SLC9C2: variants seen among roughly 807,000 people sequenced by gnomAD.
The protein encoded by SLC9C2 is sodium/hydrogen exchanger 11.
A neutral mutation model predicts 140.2 loss-of-function variants in SLC9C2; 75 were observed. The observed-to-expected ratio is 0.53, with a 90% confidence interval of 0.44 to 0.65. SLC9C2 has a LOEUF of 0.65. Among genes scored for constraint, SLC9C2 ranks in the 30% least tolerant of loss-of-function variants. The probability of loss-of-function intolerance (pLI) is 0.00; values close to 1 mark genes in which losing one functional copy is unlikely to be tolerated. For synonymous variants in SLC9C2, 375 were observed against 420.9 expected (o/e 0.89, Z 1.34); for missense variants, 1,074 against 1,331.8 (o/e 0.81, Z 3.01).
At chr1:173,518,036 G>A (rs559384026) in intron 22 of SLC9C2, among the ~76,000 whole-genome samples, 4 of 152,114 alleles carry the variant, frequency 2.6e-5, no homozygotes, top group Admixed American at 6.5e-5. Flanking sequence ...CAAGGCGGGC[G>A]GATCACAAGA....
chr1:173,543,336 T>C (rs916521806), intron 13 of SLC9C2, among the ~76,000 whole-genome samples: 2 of 152,180 alleles, frequency 1.3e-5, no homozygotes, highest in African/African-American at 4.8e-5. Context: ...TACAAACCAC[T>C]GCTCAATGAA....
At chr1:173,534,775 T>C (rs1404036570) in intron 15 of SLC9C2, 93 bp from the exon 16 acceptor site, 1 of 1,041,960 alleles carries the variant, frequency 9.6e-7, no homozygotes, top group Non-Finnish European at 1.3e-6. Context: ...TAAAATTAAT[T>C]TGAAGACTAT....
chr1:173,528,480 A>G (rs1661361755), intron 18 of SLC9C2, among the ~76,000 whole-genome samples: 1 of 152,198 alleles, frequency 6.6e-6, no homozygotes, highest in Admixed American at 6.5e-5. Flanking sequence ...ATGCAGATCA[A>G]TCCAGCCTTT....
intron 4 of SLC9C2, among the ~76,000 whole-genome samples, chr1:173,588,350 C>A (rs914716324): frequency 6.6e-6 from 1 of 152,186 alleles, no homozygotes; most frequent in Non-Finnish European, 1.5e-5. Flanking sequence ...TCTATGCACA[C>A]ATTGTTTATG....
chr1:173,567,975 CCTG>C (rs1664591638), intron 9 of SLC9C2, among the ~76,000 whole-genome samples: 1 of 152,026 alleles, frequency 6.6e-6, no homozygotes, highest in African/African-American at 2.4e-5. Flanking sequence ...ACTTTACCCC[CCTG>C]CTATTTAACT....
At chr1:173,585,185 T>C (rs1665775752) in intron 5 of SLC9C2, among the ~76,000 whole-genome samples, 1 of 152,110 alleles carries the variant, frequency 6.6e-6, no homozygotes, top group Non-Finnish European at 1.5e-5. Flanking sequence ...TTAAAACAGG[T>C]AATGGATAGA....
At position 173,553,275 on chromosome 1, in the gene SLC9C2, T is replaced by C. The variant is rs545311807; in HGVS notation, c.1297+1458A>G. On this transcript the variant is annotated intron_variant, in intron 11 of 27. Transcript: ENST00000367714. ...CCTGGTGAAGATGCTGTGAACATTG[T>C]TGAAAGGACAGCAAAGGATTTAGAA... 3.3e-5 allele frequency among the ~76,000 whole-genome samples: 5 copies of C among 152,342 alleles called. No individual in the cohort carries two copies. In the East Asian group the frequency reaches 7.7e-4, roughly 24 times the overall value.
intron 26 of SLC9C2, among the ~76,000 whole-genome samples, chr1:173,504,325 C>T (rs1422360728): frequency 1.3e-5 from 2 of 152,166 alleles, no homozygotes; most frequent in African/African-American, 4.8e-5. Flanking sequence ...AAGGCAAACA[C>T]CTTATCTGGC....
intron 13 of SLC9C2, among the ~76,000 whole-genome samples, chr1:173,544,606 C>A (rs1265700005): frequency 5.3e-5 from 8 of 152,116 alleles, no homozygotes; most frequent in Non-Finnish European, 7.4e-5. Flanking sequence ...TGGAACCAAC[C>A]CATATGTCCA....
intron 1 of SLC9C2, among the ~76,000 whole-genome samples, chr1:173,602,523 A>T (rs1666850124): frequency 6.6e-6 from 1 of 152,190 alleles, no homozygotes; most frequent in African/African-American, 2.4e-5. Context: ...CCCCTTCCTC[A>T]GAGCAATGAA....
At chr1:173,581,459 G>C (rs1284541865) in intron 7 of SLC9C2, among the ~76,000 whole-genome samples, 27 of 152,132 alleles carry the variant, frequency 1.8e-4, no homozygotes, top group Admixed American at 1.8e-3. Context: ...TGAATTAAAG[G>C]CTGTTGATCT....
intron 18 of SLC9C2, among the ~76,000 whole-genome samples, chr1:173,529,363 G>A (rs1233008942): frequency 6.6e-6 from 1 of 152,050 alleles, no homozygotes; most frequent in East Asian, 1.9e-4. Flanking sequence ...GAGGGAGCCT[G>A]GTTAGGAGAG....
intron 17 of SLC9C2, among the ~76,000 whole-genome samples, chr1:173,530,498 G>T (rs1318949063): frequency 6.6e-6 from 1 of 152,068 alleles, no homozygotes; most frequent in African/African-American, 2.4e-5. Context: ...AAAGAACTTA[G>T]GGTATCTAAG....
At position 173,601,841 on chromosome 1, in the gene SLC9C2, C is replaced by T; in HGVS notation, c.-65G>A. On this transcript the variant is annotated 5_prime_UTR_variant, in exon 2 of 28. The change creates a new upstream start codon in the 5' untranslated region. Transcript: ENST00000367714. ...GGTTTGGTTATTATTGACACTTTCA[C>T]TTCTGCATGCTAACCTGTATAGCAT... 6.3e-7 allele frequency: 1 copy of T among 1,590,820 alleles called. No individual in the cohort carries two copies.
At chr1:173,540,921 T>A (rs995851830) in intron 13 of SLC9C2, among the ~76,000 whole-genome samples, 2 of 152,162 alleles carry the variant, frequency 1.3e-5, no homozygotes, top group African/African-American at 4.8e-5. Flanking sequence ...GTAAAGACCA[T>A]CTATGCTGAG....
chr1:173,540,890 A>G (rs940626232), intron 13 of SLC9C2, among the ~76,000 whole-genome samples: 6 of 152,198 alleles, frequency 3.9e-5, no homozygotes, highest in African/African-American at 1.4e-4. Flanking sequence ...TCTAAGAGTA[A>G]AGACCAAAAC....
At chr1:173,561,860 CAG>C (rs58605294) in intron 9 of SLC9C2, among the ~76,000 whole-genome samples, 11,279 of 137,876 alleles carry the variant, frequency 0.082, 979 homozygotes, top group African/African-American at 0.28. Context: ...CACACAGACA[CAG>C]ACACACACAC....
intron 23 of SLC9C2, 73 bp from the exon 24 acceptor site, chr1:173,509,772 G>A: frequency 6.9e-7 from 1 of 1,459,172 alleles, no homozygotes. Flanking sequence ...AAAACAAGAT[G>A]CCTGCAGATT....
chr1:173,535,955 A>G lies in SLC9C2; in HGVS notation c.1656-6T>C, dbSNP rs770941951. 1.9e-5 allele frequency: 29 copies of G among 1,496,808 alleles called. No homozygotes were observed. The highest frequency in any genetic ancestry group is 4.8e-5 in the Admixed American group (2 of 41,778). The allele number at this position is 1,496,808 out of a possible 1,614,324, so 92.7% of individuals were successfully genotyped here. A position where few individuals can be genotyped will look rare whatever the true frequency, so the allele number is the denominator to read the frequency against. ...CATCATAAATACTCATGAATCTAAC[A>G]GAGAAAAATGTACATATGTGTTATA... On this transcript the variant is annotated splice_polypyrimidine_tract_variant and splice_region_variant and intron_variant, in intron 14 of 27. Coordinates refer to ENST00000367714, the MANE Select transcript of SLC9C2 (RefSeq NM_178527.4).
Sources: gnomAD v4.1 joint callset for allele counts (sites outside exome capture counted in the v4.1 genomes callset) on GRCh38, gnomAD v4.1.1 for gene constraint, MANE v1.5 for transcripts, NCBI Gene and HGNC (gene_info 2026-07-23, HGNC 2026-07-21) for gene names.